The following UBE2V1 variants were observed in gnomAD, a reference collection of about 807,000 sequenced individuals.
UBE2V1 encodes ubiquitin-conjugating enzyme E2 variant 1.
UBE2V1 carries 15 observed loss-of-function variants against 19.6 expected under a neutral mutation model. The ratio of observed to expected loss-of-function variants is 0.77; its 90% CI spans 0.51 to 1.18. The LOEUF (loss-of-function observed/expected upper bound fraction) is 1.18, where lower values mean the gene tolerates loss of function less well. Ranked by LOEUF, UBE2V1 falls within the 50% of genes most tolerant of loss-of-function variation. The pLI, the probability that UBE2V1 is intolerant of heterozygous loss-of-function variation, is 0.00. For synonymous variants in UBE2V1, 60 were observed against 60.7 expected (o/e 0.99, Z 0.05); for missense variants, 125 against 184.8 (o/e 0.68, Z 1.88).
At chr20:50,096,374 T>C (rs1601049642) in intron 2 of UBE2V1, 1 of 471,166 alleles carries the variant, frequency 2.1e-6, no homozygotes, top group East Asian at 5.5e-5. Context: ...GTTATTTGGT[T>C]AGCCCAGAGA....
chr20:50,082,781 C>T lies in UBE2V1; in HGVS notation c.431G>A (p.Cys144Tyr). 1.9e-6 allele frequency: 3 copies of T among 1,612,216 alleles called. No homozygotes were observed. The highest frequency in any genetic ancestry group is 2.5e-6 in the Non-Finnish European group (3 of 1,179,736). The change falls in exon 4 of 4, where the codon TGT (cysteine) becomes TAT (tyrosine). Residue 144 changes from cysteine to tyrosine, a missense_variant. By Grantham distance (194) the Cys-to-Tyr change is radical (BLOSUM62 -2). Transcript: ENST00000371674. ...TTTTCTTTTTGATTAATTGCTGTAA[C>T]ACTGTCCTTCGGGCGGCTGAGGGAG... ...MKLPQPPEGQ[C>Y]YSN
chr20:50,081,197 T>C lies in UBE2V1; in HGVS notation c.*1571A>G, dbSNP rs1395129720. 6.6e-6 allele frequency: 1 copy of C among 152,200 alleles called. No individual in the cohort carries two copies. The highest frequency in any genetic ancestry group is 1.5e-5 in the Non-Finnish European group (1 of 68,026). The allele number at this position is 152,200 out of a possible 1,614,324, so 9.4% of individuals were successfully genotyped here. Reference sequence around the variant, plus strand: ...GGTCTGACAATAAAAAGGCTGCTTATGGAATACTGTTATGTTAAACTTCAC... The same window carrying C: ...GGTCTGACAATAAAAAGGCTGCTTACGGAATACTGTTATGTTAAACTTCAC... On this transcript the variant is annotated 3_prime_UTR_variant, in exon 4 of 4. Coordinates refer to ENST00000371674, the MANE Select transcript of UBE2V1 (RefSeq NM_001032288.3).
At chr20:50,094,724 TG>T (rs150768928) in intron 2 of UBE2V1, among the ~76,000 whole-genome samples, 36,234 of 151,524 alleles carry the variant, frequency 0.24, 4,432 homozygotes, top group Admixed American at 0.32. Flanking sequence ...AGATGGGAAA[TG>T]GGGGATGTGG....
At chr20:50,105,063 C>T (rs894773241) in intron 1 of UBE2V1, among the ~76,000 whole-genome samples, 5 of 152,170 alleles carry the variant, frequency 3.3e-5, no homozygotes, top group Non-Finnish European at 5.9e-5. Flanking sequence ...TTTAGGAAAA[C>T]TTACCATTTT....
At chr20:50,102,409 T>C (rs2080060731) in intron 1 of UBE2V1, among the ~76,000 whole-genome samples, 1 of 152,232 alleles carries the variant, frequency 6.6e-6, no homozygotes, top group Non-Finnish European at 1.5e-5. Flanking sequence ...GTATGCATCC[T>C]TGCATGTTCA....
chr20:50,109,022 G>A, intron 1 of UBE2V1: 1 of 985,390 alleles, frequency 1.0e-6, no homozygotes, highest in Non-Finnish European at 1.2e-6. Flanking sequence ...AAAAATGCCT[G>A]GGCTCTAGTC....
At chr20:50,101,387 C>CAT (rs1569003428) in intron 1 of UBE2V1, among the ~76,000 whole-genome samples, 1 of 150,820 alleles carries the variant, frequency 6.6e-6, no homozygotes, top group Non-Finnish European at 1.5e-5. Context: ...ATGCTTTATA[C>CAT]TCTCAAAATC....
At chr20:50,088,354 A>G (rs1283736370) in intron 2 of UBE2V1, among the ~76,000 whole-genome samples, 1 of 152,226 alleles carries the variant, frequency 6.6e-6, no homozygotes, top group Non-Finnish European at 1.5e-5. Context: ...TAATGTATCA[A>G]CGTTGGTTTA....
At chr20:50,102,935 C>T (rs1439973101) in intron 1 of UBE2V1, among the ~76,000 whole-genome samples, 2 of 152,216 alleles carry the variant, frequency 1.3e-5, no homozygotes, top group African/African-American at 4.8e-5. Context: ...GAGTCCCTCA[C>T]CCTGGAATTC....
chr20:50,092,761 AAAAAAGG>A (rs1229933453), intron 2 of UBE2V1, among the ~76,000 whole-genome samples: 1 of 152,248 alleles, frequency 6.6e-6, no homozygotes, highest in Non-Finnish European at 1.5e-5. Flanking sequence ...ACAAACAAAC[AAAAAAGG>A]TGGGGGCACT....
intron 2 of UBE2V1, chr20:50,084,477 C>T (rs762326445): frequency 3.9e-6 from 3 of 760,528 alleles, no homozygotes; most frequent in Non-Finnish European, 6.6e-6. Flanking sequence ...AGCATTTAAG[C>T]TAGTACCAGT....
rs1351757693 is a variant in UBE2V1 at position 50,082,707 on chromosome 20, A to G, written c.*61T>C. On this transcript the variant is annotated 3_prime_UTR_variant, in exon 4 of 4. Transcript: ENST00000371674. ...ATCTAGAAAATTTACTACTGTGGAAAATGAAGACTGATTAAATCGAATTGG... is the reference window on the plus strand; with the variant it reads ...ATCTAGAAAATTTACTACTGTGGAAGATGAAGACTGATTAAATCGAATTGG... The G allele has an allele frequency of 3.8e-6, 6 of 1,583,042 alleles. No individual in the cohort carries two copies. Among genetic ancestry groups the G allele is most frequent in the African/African-American group, 1.4e-5 (1 of 73,622 alleles).
At chr20:50,106,443 C>G (rs1003743641) in intron 1 of UBE2V1, among the ~76,000 whole-genome samples, 9 of 152,184 alleles carry the variant, frequency 5.9e-5, no homozygotes, top group African/African-American at 1.9e-4. Flanking sequence ...ATTCTGAAGT[C>G]GTTTAAAACA....
At position 50,106,878 on chromosome 20, in the gene UBE2V1, A is replaced by ACAAC. The variant is rs1569017192; in HGVS notation, c.22+6228_22+6229insGTTG. Among the ~76,000 whole-genome samples the ACAAC allele has an allele frequency of 5.9e-4, 83 of 139,822 alleles. No individual in the cohort carries two copies. The East Asian group carries it at 8.4e-3, about 14-fold the overall frequency. 91.7% of individuals were successfully genotyped at this position (139,822 alleles called of 152,430 possible). A position where few individuals can be genotyped will look rare whatever the true frequency, so the allele number is the denominator to read the frequency against. On this transcript the variant is annotated intron_variant, in intron 1 of 3. Transcript: ENST00000371674. Reference sequence around the variant, plus strand: ...CAACAACAACAACAACAACAACAAAAAAAAAAAAACAAAAAAAAGGTAGAA... The same window carrying ACAAC: ...CAACAACAACAACAACAACAACAAAACAACAAAAAAAAACAAAAAAAAGGTAGAA...
rs562011896 is a variant in UBE2V1, at chr20:50,094,227, A to C, written c.171+2445T>G. On this transcript the variant is annotated intron_variant, in intron 2 of 3. Transcript: ENST00000371674. ...ATATATAATATATAACATATGCATT[A>C]TATAATATATAATGCATTATATAAT... Among the ~76,000 whole-genome samples the C allele has an allele frequency of 2.8e-3, 397 of 139,898 alleles. 3 individuals are homozygous for C. The highest frequency in any genetic ancestry group is 5.0e-3 in the Non-Finnish European group (328 of 65,444). The allele number at this position is 139,898 out of a possible 152,430, so 91.8% of individuals were successfully genotyped here. A position where few individuals can be genotyped will look rare whatever the true frequency, so the allele number is the denominator to read the frequency against.
rs189991826 is a variant in UBE2V1 at position 50,086,238 on chromosome 20, C to T, written c.172-1984G>A. Among the ~76,000 whole-genome samples, 649 of 152,262 alleles carry T rather than the reference C, an allele frequency of 4.3e-3. 5 individuals carry two copies. Among genetic ancestry groups the T allele is most frequent in the South Asian group, 0.025 (121 of 4,820 alleles). ...AGTTCTCTCCACCTTGGGGCTCTCA[C>T]CCCAGCTGCTTCCCCTTGGAAGTGT... On this transcript the variant is annotated intron_variant, in intron 2 of 3. Coordinates refer to ENST00000371674, the MANE Select transcript of UBE2V1 (RefSeq NM_001032288.3).
chr20:50,115,732 C>T, upstream of UBE2V1: 1 of 842,220 alleles, frequency 1.2e-6, no homozygotes. Context: ...ATCCTCACAA[C>T]TCGATGCAGC....
At position 50,098,689 on chromosome 20, in the gene UBE2V1, C is replaced by T. The variant is rs936961703; in HGVS notation, c.23-1869G>A. ...TTCGGTGGTATGTGATTGAACACTT[C>T]GTTTTACAGTCACGTATTTATGTTT... is the stretch of plus-strand genomic sequence containing the variant. On this transcript the variant is annotated intron_variant, in intron 1 of 3. Transcript: ENST00000371674. 4.6e-5 allele frequency among the ~76,000 whole-genome samples: 7 copies of T among 152,030 alleles called. No individual in the cohort carries two copies. In the South Asian group the frequency reaches 1.2e-3, roughly 27 times the overall value.
chr20:50,102,981 T>C (rs1440655781), intron 1 of UBE2V1, among the ~76,000 whole-genome samples: 1 of 152,242 alleles, frequency 6.6e-6, no homozygotes, highest in African/African-American at 2.4e-5. Flanking sequence ...ACTGGTTCCC[T>C]TGTCCTCAAC....
Sources: gnomAD v4.1 joint callset for allele counts (sites outside exome capture counted in the v4.1 genomes callset) on GRCh38, gnomAD v4.1.1 for gene constraint, MANE v1.5 for transcripts, NCBI Gene and HGNC (gene_info 2026-07-23, HGNC 2026-07-21) for gene names.